The following COL6A6 variants were observed in gnomAD, a reference collection of about 807,000 sequenced individuals.
COL6A6 encodes the protein collagen alpha-6(VI) chain.
In COL6A6, 183 loss-of-function variants were observed where a neutral mutation model predicts 208.6. The observed-to-expected ratio is 0.88, with a 90% CI of 0.78 to 0.99. The LOEUF is 0.99. Ranked by LOEUF, COL6A6 falls within the 50% of genes least tolerant of loss-of-function variation. The pLI is 0.00. For missense variants in COL6A6, 2,816 were observed against 2,815.2 expected (o/e 1.00, Z -0.01); for synonymous variants, 973 against 1,011.8 (o/e 0.96, Z 0.73).
chr3:130,609,826 C>T (rs1217687085), intron 22 of COL6A6, among the ~76,000 whole-genome samples: 3 of 152,118 alleles, frequency 2.0e-5, no homozygotes, highest in Non-Finnish European at 4.4e-5. Context: ...CCTTAAACAT[C>T]AGAAGGGAAA....
chr3:130,557,922 G>T (rs534488114), intron 1 of COL6A6, among the ~76,000 whole-genome samples: 13 of 152,234 alleles, frequency 8.5e-5, no homozygotes, highest in African/African-American at 2.6e-4. Context: ...TTTTTAAAAA[G>T]ACCTTTATAG....
Position 130,581,767 on chromosome 3 carries a change from C to T in COL6A6, c.3754C>T (p.Pro1252Ser), listed in dbSNP as rs759854336. Residue 1252 changes from proline to serine, a missense_variant, in exon 9 of 37, where the codon CCC (proline) becomes TCC (serine). Physicochemically the swap from Pro to Ser is moderately conservative, Grantham distance 74 (BLOSUM62 -1). Transcript: ENST00000358511. ...QVTNAMEKYS[P>S]KFEIYSENIL... is the part of the protein sequence containing the mutation. ...GACCAATGCCATGGAAAAATATTCT[C>T]CCAAGTTTGAGATCTACAGTGAAAA... 6.2e-7 allele frequency: 1 copy of T among 1,613,784 alleles called. No homozygotes were observed. The highest frequency in any genetic ancestry group is 8.5e-7 in the Non-Finnish European group (1 of 1,179,786).
intron 1 of COL6A6, among the ~76,000 whole-genome samples, chr3:130,525,022 A>G (rs1318430662): frequency 3.3e-5 from 5 of 152,232 alleles, no homozygotes; most frequent in African/African-American, 4.8e-5. Context: ...CTTATTAAAC[A>G]TATTATATAC....
intron 1 of COL6A6, among the ~76,000 whole-genome samples, chr3:130,533,256 A>T (rs971616597): frequency 3.4e-4 from 8 of 23,348 alleles, no homozygotes; most frequent in Non-Finnish European, 2.4e-3. Context: ...CAGGAATTAA[A>T]AAAAAAAAAA....
chr3:130,665,090 T>C lies in COL6A6; in HGVS notation c.6590T>C (p.Phe2197Ser), dbSNP rs1395082924. Residue 2197 changes from phenylalanine (F) to serine (S), a missense_variant, in exon 36 of 37, where the codon TTC (phenylalanine) becomes TCC (serine). Phe to Ser is a radical substitution (Grantham distance 155, BLOSUM62 -2). Transcript: ENST00000358511. ...SIDPKQPPRP[F>S]RSFVPGPLKA... ...GATCCAAAGCAGCCCCCACGACCATTCCGAAGGTACTGTCTGTTTGGTGTT... is the reference window on the plus strand; with the variant it reads ...GATCCAAAGCAGCCCCCACGACCATCCCGAAGGTACTGTCTGTTTGGTGTT... 6.2e-7 allele frequency: 1 copy of C among 1,606,064 alleles called. No homozygotes were observed. Among genetic ancestry groups the C allele is most frequent in the Non-Finnish European group, 8.5e-7 (1 of 1,175,088 alleles).
chr3:130,675,134 G>T (rs1480163605), intron 36 of COL6A6, 68 bp from the exon 37 acceptor site: 1 of 992,602 alleles, frequency 1.0e-6, no homozygotes, highest in Admixed American at 3.0e-5. Flanking sequence ...TACTATGACA[G>T]ATTAATATGT....
intron 12 of COL6A6, among the ~76,000 whole-genome samples, chr3:130,590,287 ATATATATATATATTTTTTTTTTTTTTT>A (rs1213401194): frequency 7.8e-4 from 13 of 16,692 alleles, no homozygotes; most frequent in East Asian, 7.8e-3. Context: ...ATATATATAT[ATATATATATATATTTTTTTTTTTTTTT>A]TTTTTTTTTT....
chr3:130,608,414 C>T (rs866559964), intron 21 of COL6A6, among the ~76,000 whole-genome samples: 4 of 152,034 alleles, frequency 2.6e-5, no homozygotes, highest in Non-Finnish European at 4.4e-5. Context: ...TTCTTGAATT[C>T]GTTATGCTTT....
intron 33 of COL6A6, among the ~76,000 whole-genome samples, chr3:130,655,023 C>T (rs897850531): frequency 6.6e-6 from 1 of 152,074 alleles, no homozygotes; most frequent in African/African-American, 2.4e-5. Flanking sequence ...TGCAAAACAA[C>T]CTGAAGACAT....
chr3:130,662,541 A>G (rs920647992), intron 35 of COL6A6, among the ~76,000 whole-genome samples: 2 of 152,084 alleles, frequency 1.3e-5, no homozygotes, highest in Non-Finnish European at 2.9e-5. Flanking sequence ...CCTATAGAGA[A>G]GCAATCATAA....
chr3:130,642,118 G>A (rs1464040893), intron 29 of COL6A6, among the ~76,000 whole-genome samples: 1 of 152,076 alleles, frequency 6.6e-6, no homozygotes, highest in African/African-American at 2.4e-5. Context: ...GGGCTCTGTT[G>A]CATTTTTTTC....
At chr3:130,613,620 C>T (rs2108229265) in intron 23 of COL6A6, among the ~76,000 whole-genome samples, 1 of 152,324 alleles carries the variant, frequency 6.6e-6, no homozygotes, top group African/African-American at 2.4e-5. Flanking sequence ...GCCATTTTAA[C>T]AACATTGATT....
chr3:130,649,514 C>T lies in COL6A6; in HGVS notation c.5685C>T (p.Pro1895=), dbSNP rs554610296. The T allele has an allele frequency of 7.2e-5, 115 of 1,603,624 alleles. 1 individual carries two copies. The South Asian group carries it at 7.3e-4, about 10-fold the overall frequency. ...AMEFGALEII[P]VVITFSNVPS... is the part of the protein sequence containing the mutation. ...AGTTCGGCGCGCTTGAAATCATTCC[C>T]GTGGTGATCACTTTCAGCAACGTGC... The change falls in exon 33 of 37, where the codon CCC becomes CCT. Residue 1895 remains proline, a synonymous_variant. Coordinates refer to ENST00000358511, the MANE Select transcript of COL6A6 (RefSeq NM_001102608.3).
Position 130,675,953 on chromosome 3 carries a change from A to G in COL6A6, c.*556A>G, listed in dbSNP as rs1380768182. On this transcript the variant is annotated 3_prime_UTR_variant, in exon 37 of 37. Transcript: ENST00000358511. ...TGCTTGGACTGATGAGAAGAGGGTA[A>G]TTTTCTCCATCTCTAAATCCTCCTG... is the stretch of plus-strand genomic sequence containing the variant. The G allele has an allele frequency of 1.3e-5, 2 of 152,082 alleles. No individual in the cohort carries two copies. The highest frequency in any genetic ancestry group is 2.9e-5 in the Non-Finnish European group (2 of 68,016). The allele number at this position is 152,082 out of a possible 1,614,324, so 9.4% of individuals were successfully genotyped here. A position where few individuals can be genotyped will look rare whatever the true frequency, so the allele number is the denominator to read the frequency against.
chr3:130,644,156 C>G (rs1056871722), intron 31 of COL6A6, among the ~76,000 whole-genome samples: 2 of 152,140 alleles, frequency 1.3e-5, no homozygotes, highest in African/African-American at 2.4e-5. Flanking sequence ...AAATCATAAC[C>G]ATTAACTTTT....
intron 1 of COL6A6, among the ~76,000 whole-genome samples, chr3:130,543,140 G>C (rs1046010049): frequency 6.6e-6 from 1 of 152,026 alleles, no homozygotes; most frequent in African/African-American, 2.4e-5. Flanking sequence ...TCCTGACCTC[G>C]TGATCTGCCC....
At chr3:130,567,820 A>T (rs1156725340) in intron 5 of COL6A6, among the ~76,000 whole-genome samples, 2 of 152,222 alleles carry the variant, frequency 1.3e-5, no homozygotes, top group East Asian at 1.9e-4. Flanking sequence ...GATACCCAAG[A>T]TGTCAATGGT....
intron 12 of COL6A6, among the ~76,000 whole-genome samples, chr3:130,589,652 G>A (rs2063627019): frequency 6.6e-6 from 1 of 152,142 alleles, no homozygotes; most frequent in African/African-American, 2.4e-5. Flanking sequence ...TTCATCTTAA[G>A]CCAGGTCAAA....
At chr3:130,582,274 C>G (rs2063443082) in intron 10 of COL6A6, among the ~76,000 whole-genome samples, 1 of 152,154 alleles carries the variant, frequency 6.6e-6, no homozygotes, top group Non-Finnish European at 1.5e-5. Flanking sequence ...GTGTATGAAA[C>G]AGCACTGAAT....
Sources: allele counts gnomAD v4.1 joint callset (sites outside exome capture counted in the v4.1 genomes callset), GRCh38; gene constraint gnomAD v4.1.1; transcripts MANE v1.5; gene names NCBI Gene and HGNC (gene_info 2026-07-23, HGNC 2026-07-21).